CBFA2T2: variants seen among roughly 807,000 people sequenced by gnomAD.
The protein encoded by CBFA2T2 is CBFA2/RUNX1 partner transcriptional co-repressor 2, also known as protein CBFA2T2.
Under a neutral mutation model 62.2 loss-of-function variants are expected in CBFA2T2, and 11 were observed. That is an observed-to-expected ratio of 0.18 (90% CI 0.11 to 0.29). The LOEUF (loss-of-function observed/expected upper bound fraction) is 0.29, where lower values mean the gene tolerates loss of function less well. Ranked by LOEUF, CBFA2T2 falls within the 10% of genes least tolerant of loss-of-function variation. The pLI, the probability that CBFA2T2 is intolerant of heterozygous loss-of-function variation, is 1.00. For synonymous variants in CBFA2T2, 295 were observed against 287.5 expected (o/e 1.03, Z -0.27); for missense variants, 592 against 774.1 (o/e 0.76, Z 2.79).
chr20:33,532,403 C>T (rs922329480), intron 1 of CBFA2T2, among the ~76,000 whole-genome samples: 80 of 152,304 alleles, frequency 5.3e-4, no homozygotes, highest in African/African-American at 1.4e-3. Context: ...AGGGAATGAT[C>T]TCTGAGATAG....
chr20:33,566,230 G>GTTA (rs1568822614), intron 1 of CBFA2T2, among the ~76,000 whole-genome samples: 1 of 152,122 alleles, frequency 6.6e-6, no homozygotes, highest in Non-Finnish European at 1.5e-5. Flanking sequence ...TTTTACGAAT[G>GTTA]TTATTTTGAA....
At chr20:33,550,105 A>C (rs2012696946) in intron 1 of CBFA2T2, among the ~76,000 whole-genome samples, 1 of 152,200 alleles carries the variant, frequency 6.6e-6, no homozygotes, top group East Asian at 1.9e-4. Context: ...AACTTAACAA[A>C]TGTAATAACG....
intron 1 of CBFA2T2, among the ~76,000 whole-genome samples, chr20:33,520,085 T>C (rs1405686200): frequency 6.6e-6 from 1 of 151,868 alleles, no homozygotes; most frequent in African/African-American, 2.4e-5. Flanking sequence ...GCAGAGGTTG[T>C]GGTGAGCCGA....
chr20:33,534,751 C>CTTTTTTTTTTTT (rs11167206), intron 1 of CBFA2T2, among the ~76,000 whole-genome samples: 3 of 92,956 alleles, frequency 3.2e-5, no homozygotes, highest in African/African-American at 4.2e-5. Flanking sequence ...ATCTTTTTAG[C>CTTTTTTTTTTTT]TTTTTTTTTT....
chr20:33,597,784 C>A (rs748574119), intron 1 of CBFA2T2, among the ~76,000 whole-genome samples: 2 of 152,212 alleles, frequency 1.3e-5, no homozygotes, highest in Non-Finnish European at 2.9e-5. Context: ...ACCACAGGTG[C>A]ATGCCACTGT....
chr20:33,532,411 T>G (rs1010269964), intron 1 of CBFA2T2, among the ~76,000 whole-genome samples: 3 of 152,214 alleles, frequency 2.0e-5, no homozygotes, highest in African/African-American at 7.2e-5. Flanking sequence ...ATCTCTGAGA[T>G]AGCAGCATAC....
intron 10 of CBFA2T2, among the ~76,000 whole-genome samples, chr20:33,641,737 C>T (rs544067102): frequency 7.2e-5 from 11 of 152,200 alleles, no homozygotes; most frequent in African/African-American, 2.7e-4. Flanking sequence ...TGCACACCAC[C>T]GTGCCTGGCT....
intron 1 of CBFA2T2, among the ~76,000 whole-genome samples, chr20:33,515,670 G>A (rs560918935): frequency 4.0e-5 from 6 of 150,728 alleles, no homozygotes; most frequent in East Asian, 2.0e-4. Flanking sequence ...GCATGGTGGC[G>A]TATACCTGTA....
At chr20:33,571,847 C>T (rs1475520457) in intron 1 of CBFA2T2, among the ~76,000 whole-genome samples, 1 of 152,122 alleles carries the variant, frequency 6.6e-6, no homozygotes, top group African/African-American at 2.4e-5. Context: ...TTTCCATTAG[C>T]ACTTGGGAGT....
chr20:33,570,699 C>A (rs1420575013), intron 1 of CBFA2T2, among the ~76,000 whole-genome samples: 2 of 152,152 alleles, frequency 1.3e-5, no homozygotes, highest in Non-Finnish European at 2.9e-5. Flanking sequence ...TGTGGCCTTA[C>A]TGATTCTTTC....
chr20:33,561,570 A>G (rs1433574629), intron 1 of CBFA2T2, among the ~76,000 whole-genome samples: 1 of 152,176 alleles, frequency 6.6e-6, no homozygotes, highest in African/African-American at 2.4e-5. Flanking sequence ...CAGCTATTAT[A>G]TGCTAGCTCT....
chr20:33,540,934 A>G (rs1464742380), intron 1 of CBFA2T2, among the ~76,000 whole-genome samples: 1 of 152,174 alleles, frequency 6.6e-6, no homozygotes, highest in Non-Finnish European at 1.5e-5. Context: ...TGTGAAAGGT[A>G]ACCCTAGAGT....
chr20:33,560,164 T>C (rs188824540), intron 1 of CBFA2T2, among the ~76,000 whole-genome samples: 1 of 152,312 alleles, frequency 6.6e-6, no homozygotes, highest in Non-Finnish European at 1.5e-5. Flanking sequence ...CTTACTTACA[T>C]TGTAGGCAAT....
At chr20:33,498,579 C>A (rs1455871633) in intron 1 of CBFA2T2, among the ~76,000 whole-genome samples, 2 of 151,718 alleles carry the variant, frequency 1.3e-5, no homozygotes, top group Non-Finnish European at 2.9e-5. Flanking sequence ...TATACAGAAT[C>A]AAAAAATCAG....
chr20:33,523,148 T>A (rs1279877511), intron 1 of CBFA2T2, among the ~76,000 whole-genome samples: 1 of 151,994 alleles, frequency 6.6e-6, no homozygotes, highest in East Asian at 1.9e-4. Flanking sequence ...TGGGAACTTG[T>A]TAAAAATGCA....
Position 33,597,743 on chromosome 20 carries a change from C to T in CBFA2T2, c.35-9213C>T, listed in dbSNP as rs558089584. On this transcript the variant is annotated intron_variant, in intron 1 of 10. Transcript: ENST00000342704. ...ACTGCAACCTCCTTTTGTAGTTCTT[C>T]GGTAGGTACATGGCCTCCCAAGTAG... Among the ~76,000 whole-genome samples, 661 of 152,278 alleles carry T rather than the reference C, an allele frequency of 4.3e-3. 4 individuals are homozygous for T. The highest frequency in any genetic ancestry group is 0.014 in the African/African-American group (594 of 41,552).
In CBFA2T2 at chr20:33,632,979, G is replaced by A. The variant is rs1052969984; in HGVS notation, c.1228+3065G>A. Among the ~76,000 whole-genome samples, 8 of 151,218 alleles carry A rather than the reference G, an allele frequency of 5.3e-5. No homozygotes were observed. In the South Asian group the frequency reaches 1.3e-3, roughly 24 times the overall value. On this transcript the variant is annotated intron_variant, in intron 8 of 10. Coordinates refer to ENST00000342704, the MANE Select transcript of CBFA2T2 (RefSeq NM_001032999.3). ...TCACCATGTTTGCCAGGCTGGTCTC[G>A]AACTCCCAGCCTCAAGTAATCTGCC... is the stretch of plus-strand genomic sequence containing the variant.
Position 33,611,308 on chromosome 20 carries a change from G to T in CBFA2T2, c.393G>T (p.Lys131Asn). The change falls in exon 3 of 11, where the codon AAG becomes AAT. Residue 131 changes from lysine to asparagine, a missense_variant. This residue lies in a region of CBFA2T2 where 449 missense variants were observed against 551.2 expected (regional missense o/e 0.81). Transcript: ENST00000342704. ...ACATCTCCCCTGAGATTGGGGAGAA[G>T]GTGCGGACTCTTGTTCTTGCACTGG... is the stretch of plus-strand genomic sequence containing the variant. ...GNDISPEIGE[K>N]VRTLVLALVN... 1 of 1,614,184 alleles carries T rather than the reference G, an allele frequency of 6.2e-7. No homozygotes were observed. Among genetic ancestry groups the T allele is most frequent in the Non-Finnish European group, 8.5e-7 (1 of 1,180,030 alleles).
In CBFA2T2 at chr20:33,492,289, G is replaced by A. The variant is rs1299981423; in HGVS notation, c.34+1988G>A. 2.0e-5 allele frequency among the ~76,000 whole-genome samples: 3 copies of A among 151,934 alleles called. No individual in the cohort carries two copies. The East Asian group carries it at 5.8e-4, about 29-fold the overall frequency. On this transcript the variant is annotated intron_variant, in intron 1 of 10. Coordinates refer to ENST00000342704, the MANE Select transcript of CBFA2T2 (RefSeq NM_001032999.3). ...CCACCTCAGCCTCCCAAAGTGCTGG[G>A]ATTACGAGCGTGAGTCACCAAGCCT...
Sources: allele counts gnomAD v4.1 joint callset (sites outside exome capture counted in the v4.1 genomes callset), GRCh38; gene constraint gnomAD v4.1.1; regional missense constraint gnomAD v4.1.1; transcripts MANE v1.5; gene names NCBI Gene and HGNC (gene_info 2026-07-23, HGNC 2026-07-21).